SH3BGRL2: variants seen among roughly 807,000 people sequenced by gnomAD.
SH3BGRL2 encodes the protein SH3 domain-binding glutamic acid-rich-like protein 2.
In SH3BGRL2, 21 loss-of-function variants were observed where a neutral mutation model predicts 14.8. That is an observed-to-expected ratio of 1.42 (90% CI 1.01 to 2.05). SH3BGRL2 has a LOEUF of 2.05. SH3BGRL2 is among the 30% of genes most tolerant of loss of function. The pLI, the probability that SH3BGRL2 is intolerant of heterozygous loss-of-function variation, is 0.00. For synonymous variants in SH3BGRL2, 50 were observed against 47.8 expected (o/e 1.05, Z -0.19); for missense variants, 147 against 130.8 (o/e 1.12, Z -0.61).
chr6:79,616,837 A>G, the SH3BGRL2 span, among the ~76,000 whole-genome samples: 11 of 152,302 alleles, frequency 7.2e-5, no homozygotes, highest in African/African-American at 2.6e-4. Context: ...GAAGAAAAAG[A>G]AAGTGCATGG....
the SH3BGRL2 span, among the ~76,000 whole-genome samples, chr6:79,590,518 G>C: frequency 1.4e-5 from 2 of 145,218 alleles, no homozygotes; most frequent in Non-Finnish European, 3.0e-5. Flanking sequence ...GTCCTTTGCA[G>C]CAATGTGGAT....
chr6:79,594,489 C>T, the SH3BGRL2 span, among the ~76,000 whole-genome samples: 84 of 152,266 alleles, frequency 5.5e-4, no homozygotes, highest in African/African-American at 1.9e-3. Flanking sequence ...GCCTCCCCTA[C>T]AGTGGGCAGT....
the SH3BGRL2 span, among the ~76,000 whole-genome samples, chr6:79,586,748 G>A: frequency 6.6e-6 from 1 of 152,156 alleles, no homozygotes. Flanking sequence ...GCCTCAAAAG[G>A]AAATTCTCCC....
rs768501569 is a variant in SH3BGRL2 at position 79,696,552 on chromosome 6, G to A, written c.299G>A (p.Arg100Gln). 4.7e-5 allele frequency: 74 copies of A among 1,564,212 alleles called. No individual in the cohort carries two copies. Among genetic ancestry groups the A allele is most frequent in the Non-Finnish European group, 5.9e-5 (69 of 1,164,730 alleles). Residue 100 changes from arginine (R) to glutamine (Q), a missense_variant, in exon 3 of 4, where the codon CGG (arginine) becomes CAG (glutamine). Arg to Gln is a conservative substitution (Grantham distance 43, BLOSUM62 1). Transcript: ENST00000369838. The part of the protein sequence containing the change: ...TVFSFLGLKP[R>Q]LASKAEP ...TTTTCATTTTTAGGCCTGAAACCAC[G>A]GTTGGCATCAAAGGTAGGTAAATCT...
At position 79,696,493 on chromosome 6, in the gene SH3BGRL2, C is replaced by T; in HGVS notation, c.240C>T (p.Asp80=). The T allele has an allele frequency of 6.3e-7, 1 of 1,577,136 alleles. No individual in the cohort carries two copies. The highest frequency in any genetic ancestry group is 8.6e-7 in the Non-Finnish European group (1 of 1,169,096). The change falls in exon 3 of 4, where the codon GAC becomes GAT. Residue 80 remains aspartate, a synonymous_variant. Transcript: ENST00000369838. Reference sequence around the variant, plus strand: ...CTTCCCTTTTTTTCTAGGATTATGACAGTTTTTTTGAATCCAAGGAAAGCA... The same window carrying T: ...CTTCCCTTTTTTTCTAGGATTATGATAGTTTTTTTGAATCCAAGGAAAGCA... ...FNGDRYCGDY[D]SFFESKESNT... is the part of the protein sequence containing the mutation.
At chr6:79,622,452 G>A in the SH3BGRL2 span, among the ~76,000 whole-genome samples, 1 of 152,302 alleles carries the variant, frequency 6.6e-6, no homozygotes, top group Middle Eastern at 3.4e-3. Context: ...CGTGTTGCAA[G>A]TAAACTTTAG....
intron 2 of SH3BGRL2, among the ~76,000 whole-genome samples, chr6:79,683,333 G>A (rs1435618934): frequency 6.6e-6 from 1 of 152,160 alleles, no homozygotes; most frequent in Non-Finnish European, 1.5e-5. Flanking sequence ...CTAGATCAGG[G>A]ATCAAGCCAC....
chr6:79,657,171 TA>T (rs1270203905), intron 1 of SH3BGRL2, among the ~76,000 whole-genome samples: 2 of 151,996 alleles, frequency 1.3e-5, no homozygotes, highest in Non-Finnish European at 2.9e-5. Context: ...TTTTTTTTTT[TA>T]AATCAAGAGC....
chr6:79,547,060 T>G, the SH3BGRL2 span, among the ~76,000 whole-genome samples: 1 of 152,122 alleles, frequency 6.6e-6, no homozygotes, highest in South Asian at 2.1e-4. Context: ...TTCCCGTTGT[T>G]CATGAGGCAT....
the SH3BGRL2 span, among the ~76,000 whole-genome samples, chr6:79,540,949 G>A: frequency 4.6e-5 from 7 of 152,022 alleles, no homozygotes; most frequent in African/African-American, 1.4e-4. Context: ...TTTGACTGAC[G>A]TGGTAGTTAA....
the SH3BGRL2 span, among the ~76,000 whole-genome samples, chr6:79,602,782 AAGAG>A: frequency 3.3e-5 from 5 of 152,100 alleles, no homozygotes; most frequent in Non-Finnish European, 7.4e-5. Flanking sequence ...ATTTAAGTAA[AAGAG>A]AGACATGTAA....
intron 2 of SH3BGRL2, among the ~76,000 whole-genome samples, chr6:79,679,055 A>G (rs1375776072): frequency 6.6e-6 from 1 of 152,092 alleles, no homozygotes; most frequent in Non-Finnish European, 1.5e-5. Context: ...TGTCTTTGCT[A>G]TTGTGCATAG....
the SH3BGRL2 span, among the ~76,000 whole-genome samples, chr6:79,560,867 C>CTTTTT: frequency 3.3e-3 from 152 of 45,784 alleles, 15 homozygotes; most frequent in Non-Finnish European, 4.2e-3. Flanking sequence ...ACAATACACT[C>CTTTTT]TTTTTTTTTT....
rs1472196735 is a variant in SH3BGRL2 at position 79,699,734 on chromosome 6, C to A, written c.*225C>A. The A allele has an allele frequency of 1.4e-5, 7 of 497,950 alleles. No individual in the cohort carries two copies. The East Asian group carries it at 1.9e-4, about 14-fold the overall frequency. 30.8% of individuals were successfully genotyped at this position (497,950 alleles called of 1,614,324 possible). On this transcript the variant is annotated 3_prime_UTR_variant, in exon 4 of 4. Coordinates refer to ENST00000369838, the MANE Select transcript of SH3BGRL2 (RefSeq NM_031469.4). ...TTTTTTTTCTTATTCTATTTGCCTGCAGTTGCCTCACTCACCTGGAAATAC... is the reference window on the plus strand; with the variant it reads ...TTTTTTTTCTTATTCTATTTGCCTGAAGTTGCCTCACTCACCTGGAAATAC...
chr6:79,541,229 G>A, the SH3BGRL2 span, among the ~76,000 whole-genome samples: 3 of 152,128 alleles, frequency 2.0e-5, no homozygotes, highest in South Asian at 6.2e-4. Flanking sequence ...CTCCAGCCTG[G>A]GCGGCAGAGT....
chr6:79,600,926 C>T, the SH3BGRL2 span, among the ~76,000 whole-genome samples: 5 of 151,928 alleles, frequency 3.3e-5, no homozygotes, highest in Admixed American at 6.6e-5. Flanking sequence ...CATTGATTTG[C>T]TCCCTCACTA....
intron 2 of SH3BGRL2, among the ~76,000 whole-genome samples, chr6:79,677,699 C>T (rs904513187): frequency 1.3e-5 from 2 of 152,126 alleles, no homozygotes; most frequent in African/African-American, 4.8e-5. Flanking sequence ...TCCTATGATA[C>T]CTCCATAATT....
intron 1 of SH3BGRL2, among the ~76,000 whole-genome samples, chr6:79,665,778 A>G (rs775179296): frequency 1.4e-4 from 22 of 152,218 alleles, no homozygotes; most frequent in Non-Finnish European, 2.4e-4. Flanking sequence ...TATAACATGT[A>G]CTAACAGTTT....
chr6:79,579,909 C>G, the SH3BGRL2 span, among the ~76,000 whole-genome samples: 1 of 152,070 alleles, frequency 6.6e-6, no homozygotes, highest in African/African-American at 2.4e-5. Context: ...ACCCATCTCA[C>G]GTGCAGAGAC....
Sources: gnomAD v4.1 joint callset for allele counts (sites outside exome capture counted in the v4.1 genomes callset) on GRCh38, gnomAD v4.1.1 for gene constraint, MANE v1.5 for transcripts, NCBI Gene and HGNC (gene_info 2026-07-23, HGNC 2026-07-21) for gene names.